CEMIP2: variants seen among roughly 807,000 people sequenced by gnomAD.
CEMIP2 encodes cell migration inducing hyaluronidase 2, also known as cell surface hyaluronidase CEMIP2.
Under a neutral mutation model 146.9 loss-of-function variants are expected in CEMIP2, and 79 were observed. The observed-to-expected ratio is 0.54, with a 90% CI of 0.45 to 0.65. CEMIP2 has a LOEUF of 0.65. CEMIP2 is among the 30% of genes least tolerant of loss of function. CEMIP2 has a pLI of 0.00. For synonymous variants in CEMIP2, 601 were observed against 606.3 expected, an observed-to-expected ratio of 0.99 and a Z score of 0.13; for missense variants, 1,596 against 1,696.2, an observed-to-expected ratio of 0.94 and a Z score of 1.04.
chr9:71,686,931 T>A (rs182122890), intron 22 of CEMIP2: 1 of 152,352 alleles, frequency 6.6e-6, no homozygotes, highest in East Asian at 1.9e-4. Context: ...AATAAATGGA[T>A]AAACACAATT....
rs1822154579 is a variant in CEMIP2 at position 71,689,104 on chromosome 9, G to A, written c.3851+988C>T. Among the ~76,000 whole-genome samples the A allele has an allele frequency of 3.3e-5, 5 of 152,200 alleles. No individual in the cohort carries two copies. In the South Asian group the frequency reaches 1.0e-3, roughly 31 times the overall value. On this transcript the variant is annotated intron_variant, in intron 22 of 23. Transcript: ENST00000377044. ...TATGTCCTGGATTGTTTTAGGGGAA[G>A]TGAGTGCATGTATTTTCAACATTAG...
At chr9:71,702,139 T>A (rs2131883670) in intron 18 of CEMIP2, among the ~76,000 whole-genome samples, 1 of 151,900 alleles carries the variant, frequency 6.6e-6, no homozygotes, top group East Asian at 1.9e-4. Context: ...ACGCCTGTAG[T>A]CCCAGATACC....
intron 4 of CEMIP2, among the ~76,000 whole-genome samples, chr9:71,740,494 G>A (rs1823882598): frequency 6.6e-6 from 1 of 152,136 alleles, no homozygotes; most frequent in Admixed American, 6.5e-5. Context: ...ATTAATCATT[G>A]ACTTACTTCC....
Position 71,730,717 on chromosome 9 carries a change from T to C in CEMIP2, c.1761A>G (p.Thr587=). Residue 587 remains threonine (T), a synonymous_variant, in exon 8 of 24, where the codon ACA becomes ACG. Coordinates refer to ENST00000377044, the MANE Select transcript of CEMIP2 (RefSeq NM_013390.3). ...SFSRCITVHG[T]NGLLIKDTIG... ...CGAGGCTACTTACTAGCAAGCCATT[T>C]GTCCCATGCACAGTGATGCACCTTG... 1 of 1,614,230 alleles carries C rather than the reference T, an allele frequency of 6.2e-7. No homozygotes were observed.
At position 71,730,768 on chromosome 9, in the gene CEMIP2, G is replaced by T. The variant is rs200717844; in HGVS notation, c.1710C>A (p.Asp570Glu). 1 of 1,614,196 alleles carries T rather than the reference G, an allele frequency of 6.2e-7. No individual in the cohort carries two copies. The highest frequency in any genetic ancestry group is 8.5e-7 in the Non-Finnish European group (1 of 1,180,042). Reference sequence around the variant, plus strand: ...AGAAGCTGTGATGAATAGACAGGCCGTCCACAAATGTTGCATGTCTGTATC... The same window carrying T: ...AGAAGCTGTGATGAATAGACAGGCCTTCCACAAATGTTGCATGTCTGTATC... Reference protein sequence around the residue: ...KGGYRHATFVDGLSIHHSFSR... With the variant: ...KGGYRHATFVEGLSIHHSFSR... Residue 570 changes from aspartate (D) to glutamate (E), a missense_variant, in exon 8 of 24, where the codon GAC becomes GAA. By Grantham distance (45) the Asp-to-Glu change is conservative (BLOSUM62 2). Transcript: ENST00000377044.
chr9:71,715,101 C>T lies in CEMIP2; in HGVS notation c.2436-12G>A, dbSNP rs376963440. On this transcript the variant is annotated splice_polypyrimidine_tract_variant and intron_variant, in intron 14 of 23. Coordinates refer to ENST00000377044, the MANE Select transcript of CEMIP2 (RefSeq NM_013390.3). ...GGAAGCTTCCATCACTGTTAAAATGCGAACAATCATTAGCTACATTTCTCC... is the reference window on the plus strand; with the variant it reads ...GGAAGCTTCCATCACTGTTAAAATGTGAACAATCATTAGCTACATTTCTCC... The T allele has an allele frequency of 1.5e-5, 24 of 1,611,736 alleles. No individual in the cohort carries two copies. The highest frequency in any genetic ancestry group is 3.4e-5 in the Admixed American group (2 of 59,542).
intron 10 of CEMIP2, among the ~76,000 whole-genome samples, chr9:71,728,305 A>ATATG (rs1823506100): frequency 1.5e-5 from 1 of 65,676 alleles, no homozygotes; most frequent in Non-Finnish European, 3.0e-5. Flanking sequence ...ATATATACAT[A>ATATG]TATATATATA....
chr9:71,711,945 T>G (rs770107342), intron 16 of CEMIP2, 138 bp downstream of exon 16: 25 of 843,274 alleles, frequency 3.0e-5, no homozygotes, highest in Non-Finnish European at 4.4e-5. Flanking sequence ...TGCATGGAAT[T>G]AGGAGCTGGC....
chr9:71,710,450 G>A (rs748958941), intron 16 of CEMIP2, among the ~76,000 whole-genome samples: 2 of 152,100 alleles, frequency 1.3e-5, no homozygotes, highest in East Asian at 1.9e-4. Flanking sequence ...CTTTTCCTAC[G>A]TGGTTAAATC....
In CEMIP2 at chr9:71,685,395, TAAAAAAA is replaced by T. The variant is rs36080695; in HGVS notation, c.3956-9_3956-3del. 34 of 1,178,902 alleles carry T rather than the reference TAAAAAAA, an allele frequency of 2.9e-5. No homozygotes were observed. The highest frequency in any genetic ancestry group is 3.5e-5 in the Non-Finnish European group (33 of 945,212). 73.0% of individuals were successfully genotyped at this position (1,178,902 alleles called of 1,614,324 possible). ...TGAATCCCAAAAATATGGTACTCCC[TAAAAAAA>T]AAAAAAAAAAAGAAAAAGAAAAAAA... On this transcript the variant is annotated splice_region_variant and splice_polypyrimidine_tract_variant and intron_variant, in intron 23 of 23. Coordinates refer to ENST00000377044, the MANE Select transcript of CEMIP2 (RefSeq NM_013390.3).
chr9:71,694,662 T>C (rs1322549995), intron 20 of CEMIP2, 55 bp from the exon 21 acceptor site: 2 of 1,172,512 alleles, frequency 1.7e-6, no homozygotes, highest in Non-Finnish European at 2.5e-6. Context: ...CTCCAAAAGG[T>C]TCCCTCAATA....
intron 22 of CEMIP2, among the ~76,000 whole-genome samples, chr9:71,687,978 T>C (rs1822118151): frequency 6.6e-6 from 1 of 152,192 alleles, no homozygotes; most frequent in Non-Finnish European, 1.5e-5. Context: ...TGTCCTAGCC[T>C]CCTCAGTAGG....
intron 10 of CEMIP2, among the ~76,000 whole-genome samples, chr9:71,727,012 A>C (rs1441217144): frequency 6.6e-6 from 1 of 152,224 alleles, no homozygotes; most frequent in Non-Finnish European, 1.5e-5. Context: ...AGGCAGTGGA[A>C]AGGTACAATG....
chr9:71,694,606 A>C lies in CEMIP2; in HGVS notation c.3599T>G (p.Val1200Gly), dbSNP rs1485657812. 4 of 1,605,978 alleles carry C rather than the reference A, an allele frequency of 2.5e-6. No homozygotes were observed. The highest frequency in any genetic ancestry group is 3.3e-5 in the Admixed American group (2 of 59,952). The change falls in exon 21 of 24, where the codon GTG (valine) becomes GGG (glycine). Residue 1200 changes from valine (V) to glycine (G), a missense_variant and splice_region_variant. Val to Gly is a moderately radical substitution (Grantham distance 109). Coordinates refer to ENST00000377044, the MANE Select transcript of CEMIP2 (RefSeq NM_013390.3). ...GLCQGCGTRQVVFTSDPHKSY... is the reference protein window; with the variant it reads ...GLCQGCGTRQGVFTSDPHKSY... Reference sequence around the variant, plus strand: ...TTTATGAGGATCACTAGTAAACACCACCTAGACAGAGAAGAAGTTCCATAT... The same window carrying C: ...TTTATGAGGATCACTAGTAAACACCCCCTAGACAGAGAAGAAGTTCCATAT...
At position 71,734,957 on chromosome 9, in the gene CEMIP2, A is replaced by G. The variant is rs76593817; in HGVS notation, c.1242T>C (p.Asp414=). ...SLSGFRVEVV[D]GVKLNLLDDV... is the part of the protein sequence containing the mutation. ...CATCTAGCAAATTTAGCTTCACTCC[A>G]TCTACAACCTCTACCCGGAATCCTG... Residue 414 remains aspartate, a synonymous_variant, in exon 6 of 24, where the codon GAT becomes GAC. Coordinates refer to ENST00000377044, the MANE Select transcript of CEMIP2 (RefSeq NM_013390.3). 2 of 1,613,412 alleles carry G rather than the reference A, an allele frequency of 1.2e-6. No individual in the cohort carries two copies. Among genetic ancestry groups the G allele is most frequent in the Admixed American group, 1.7e-5 (1 of 59,904 alleles).
At chr9:71,710,453 G>A (rs1277155662) in intron 16 of CEMIP2, among the ~76,000 whole-genome samples, 1 of 152,154 alleles carries the variant, frequency 6.6e-6, no homozygotes, top group East Asian at 1.9e-4. Flanking sequence ...TTCCTACGTG[G>A]TTAAATCTGA....
chr9:71,728,654 C>G (rs7862438), intron 10 of CEMIP2, among the ~76,000 whole-genome samples: 2 of 151,776 alleles, frequency 1.3e-5, no homozygotes, highest in Non-Finnish European at 2.9e-5. Flanking sequence ...TTCATCATAA[C>G]GAGTTTTGCT....
intron 2 of CEMIP2, among the ~76,000 whole-genome samples, chr9:71,747,456 A>G (rs1429166316): frequency 6.6e-6 from 1 of 152,234 alleles, no homozygotes; most frequent in African/African-American, 2.4e-5. Context: ...GCTGGACACC[A>G]AAGGATGGGC....
rs542333071 is a variant in CEMIP2, at chr9:71,687,647, A to G, written c.3852-1801T>C. Among the ~76,000 whole-genome samples, 5 of 152,270 alleles carry G rather than the reference A, an allele frequency of 3.3e-5. No homozygotes were observed. In the South Asian group the frequency reaches 1.0e-3, roughly 32 times the overall value. On this transcript the variant is annotated intron_variant, in intron 22 of 23. Coordinates refer to ENST00000377044, the MANE Select transcript of CEMIP2 (RefSeq NM_013390.3). ...AGTTCAAGACCAGCCTGGGAAACAC[A>G]GCAAAACTCCATCTCCACAAAAAAT...
Sources: gnomAD v4.1 joint callset for allele counts (sites outside exome capture counted in the v4.1 genomes callset) on GRCh38, gnomAD v4.1.1 for gene constraint, MANE v1.5 for transcripts, NCBI Gene and HGNC (gene_info 2026-07-23, HGNC 2026-07-21) for gene names.